LRP5: variants seen among roughly 807,000 people sequenced by gnomAD.
LRP5 encodes low-density lipoprotein receptor-related protein 5.
In LRP5, 62 loss-of-function variants were observed where a neutral mutation model predicts 154.1. The ratio of observed to expected loss-of-function variants is 0.40; its 90% CI spans 0.33 to 0.50. The LOEUF (loss-of-function observed/expected upper bound fraction) is 0.50. Ranked by LOEUF, LRP5 falls within the 20% of genes least tolerant of loss-of-function variation. LRP5 has a pLI of 0.55. For missense variants in LRP5, 1,915 were observed against 2,336.7 expected (o/e 0.82, Z 3.72); for synonymous variants, 966 against 1,011.5 (o/e 0.96, Z 0.85).
chr11:68,408,274 A>T (rs2098656897), intron 9 of LRP5, among the ~76,000 whole-genome samples: 1 of 106,880 alleles, frequency 9.4e-6, no homozygotes. Flanking sequence ...TTTTGGGGAG[A>T]CAGGGTTTCC....
intron 17 of LRP5, among the ~76,000 whole-genome samples, chr11:68,432,979 G>A (rs1314063393): frequency 1.3e-5 from 2 of 152,198 alleles, no homozygotes; most frequent in Admixed American, 1.3e-4. Flanking sequence ...CCTCCCCGGG[G>A]GTGTCCTCAG....
rs1033168650 is a variant in LRP5 at position 68,365,680 on chromosome 11, C to A, written c.993C>A (p.Asp331Glu). The A allele has an allele frequency of 4.2e-6, 6 of 1,441,712 alleles. No homozygotes were observed. In the African/African-American group the frequency reaches 9.1e-5, roughly 22 times the overall value. 89.3% of individuals were successfully genotyped at this position (1,441,712 alleles called of 1,614,324 possible). A position where few individuals can be genotyped will look rare whatever the true frequency, so the allele number is the denominator to read the frequency against. The change falls in exon 5 of 23, where the codon GAC becomes GAA. Residue 331 changes from aspartate (D) to glutamate (E), a missense_variant. By Grantham distance (45) the Asp-to-Glu change is conservative. Coordinates refer to ENST00000294304, the MANE Select transcript of LRP5 (RefSeq NM_002335.4). ...GCCCCACGGGTGTGCAGCTGCAGGA[C>A]AACGGCAGGACGTGTAAGGCAGGTG... ...CACPTGVQLQ[D>E]NGRTCKAGAE...
rs776839535 is a variant in LRP5 at position 68,425,272 on chromosome 11, T to C, written c.3407T>C (p.Ile1136Thr). 3.1e-6 allele frequency: 5 copies of C among 1,609,576 alleles called. No homozygotes were observed. The highest frequency in any genetic ancestry group is 4.2e-6 in the Non-Finnish European group (5 of 1,179,926). ...LFWVDADLKRIESCDLSGANR... is the reference protein window; with the variant it reads ...LFWVDADLKRTESCDLSGANR... Reference sequence around the variant, plus strand: ...TGGGTGGACGCGGACCTGAAGCGCATTGAGAGCTGTGACCTGTCAGGTACG... The same window carrying C: ...TGGGTGGACGCGGACCTGAAGCGCACTGAGAGCTGTGACCTGTCAGGTACG... The change falls in exon 15 of 23, where the codon ATT becomes ACT. Residue 1136 changes from isoleucine (I) to threonine (T), a missense_variant. Physicochemically the swap from Ile to Thr is moderately conservative, Grantham distance 89. Coordinates refer to ENST00000294304, the MANE Select transcript of LRP5 (RefSeq NM_002335.4).
rs757631150 is a variant in LRP5 at position 68,357,653 on chromosome 11, C to T, written c.492C>T (p.Tyr164=). 16 of 1,613,804 alleles carry T rather than the reference C, an allele frequency of 9.9e-6. No individual in the cohort carries two copies. The highest frequency in any genetic ancestry group is 1.7e-5 in the Admixed American group (1 of 59,962). ...RAIALDPAHG[Y]MYWTDWGETP... The stretch of plus-strand genomic sequence containing the variant: ...TCTTGCCCTGCCCCCGTCACAGGTA[C>T]ATGTACTGGACAGACTGGGGTGAGA... The change falls in exon 3 of 23, where the codon TAC becomes TAT. Residue 164 remains tyrosine (Y), a synonymous_variant. Coordinates refer to ENST00000294304, the MANE Select transcript of LRP5 (RefSeq NM_002335.4).
chr11:68,349,155 C>T (rs1406183227), intron 2 of LRP5, among the ~76,000 whole-genome samples: 1 of 151,186 alleles, frequency 6.6e-6, no homozygotes, highest in Non-Finnish European at 1.5e-5. Flanking sequence ...GCCTCAGCTT[C>T]CCAAGTAGCT....
intron 21 of LRP5, among the ~76,000 whole-genome samples, chr11:68,440,902 G>A (rs2098677853): frequency 6.6e-6 from 1 of 152,092 alleles, no homozygotes; most frequent in African/African-American, 2.4e-5. Context: ...CCTAGTAGCT[G>A]GGATTACAGG....
At chr11:68,348,394 A>C in intron 2 of LRP5, 151 bp downstream of exon 2, 1 of 864,734 alleles carries the variant, frequency 1.2e-6, no homozygotes, top group Non-Finnish European at 1.7e-6. Context: ...CTGTAACCCC[A>C]GCACTCGGTG....
chr11:68,440,507 A>G (rs1591330966), intron 21 of LRP5, among the ~76,000 whole-genome samples: 1 of 152,122 alleles, frequency 6.6e-6, no homozygotes, highest in African/African-American at 2.4e-5. Context: ...GCTGGGGAGA[A>G]CCCCCGTTTC....
At chr11:68,441,599 A>T (rs752678305) in intron 21 of LRP5, among the ~76,000 whole-genome samples, 2 of 152,220 alleles carry the variant, frequency 1.3e-5, no homozygotes, top group Non-Finnish European at 2.9e-5. Context: ...TTAACCAGCC[A>T]GGAGTGCTAG....
chr11:68,331,886 T>C (rs2098603033), intron 1 of LRP5, among the ~76,000 whole-genome samples: 1 of 151,938 alleles, frequency 6.6e-6, no homozygotes, highest in African/African-American at 2.4e-5. Context: ...CCAGGTTGCA[T>C]TGAGAGCCGA....
At chr11:68,401,902 A>G (rs2098652822) in intron 7 of LRP5, among the ~76,000 whole-genome samples, 1 of 152,088 alleles carries the variant, frequency 6.6e-6, no homozygotes, top group South Asian at 2.1e-4. Context: ...CATGTTGGCC[A>G]GGCTGATCTC....
chr11:68,426,341 C>T (rs965102022), intron 16 of LRP5, among the ~76,000 whole-genome samples, 154 bp downstream of exon 16: 11 of 152,078 alleles, frequency 7.2e-5, no homozygotes, highest in South Asian at 2.1e-4. Context: ...GCGACATGTC[C>T]GAATGTCCCG....
chr11:68,423,716 G>A lies in LRP5; in HGVS notation c.3236+19G>A, dbSNP rs1254561941. 1 of 1,599,506 alleles carries A rather than the reference G, an allele frequency of 6.3e-7. No individual in the cohort carries two copies. Among genetic ancestry groups the A allele is most frequent in the East Asian group, 2.2e-5 (1 of 44,796 alleles). ...AGCGAGGGTAGGAGGCCAACGGGTG[G>A]GTGGGGGTGCTGCCCGTCCAGGCGT... On this transcript the variant is annotated intron_variant, in intron 14 of 22. Transcript: ENST00000294304. This position sits in a 1 kb window ranked among gnomAD's most constrained non-coding sequence, Gnocchi z 4.7.
rs766219994 is a variant in LRP5, at chr11:68,386,952, T to G, written c.1412+240T>G. 6.6e-6 allele frequency among the ~76,000 whole-genome samples: 1 copy of G among 152,170 alleles called. No homozygotes were observed. Among genetic ancestry groups the G allele is most frequent in the African/African-American group, 2.4e-5 (1 of 41,428 alleles). On this transcript the variant is annotated intron_variant, in intron 6 of 22. Coordinates refer to ENST00000294304, the MANE Select transcript of LRP5 (RefSeq NM_002335.4). The surrounding 1 kb of genome is among the most constrained non-coding windows in gnomAD (Gnocchi z 7.9). ...TGGTCCGGTGCTGCTGCTGGGTCCA[T>G]GCGTAGAAAGCCCTGGAGACCTGGA...
intron 1 of LRP5, among the ~76,000 whole-genome samples, chr11:68,347,309 G>A (rs2098613902): frequency 6.6e-6 from 1 of 152,238 alleles, no homozygotes; most frequent in Non-Finnish European, 1.5e-5. Context: ...CCAAGGAAAC[G>A]GGCCTGAGCT....
At chr11:68,345,650 G>T (rs891682542) in intron 1 of LRP5, among the ~76,000 whole-genome samples, 2 of 152,206 alleles carry the variant, frequency 1.3e-5, no homozygotes, top group Admixed American at 1.3e-4. Flanking sequence ...ATATCTGATT[G>T]TGTCCCTGTT....
At chr11:68,367,567 T>C (rs141840946) in intron 5 of LRP5, among the ~76,000 whole-genome samples, 90 of 152,342 alleles carry the variant, frequency 5.9e-4, no homozygotes, top group African/African-American at 1.9e-3. Flanking sequence ...CAGAGTTTGT[T>C]TTCTTTCCTG....
At chr11:68,364,391 T>G (rs187430672) in intron 4 of LRP5, among the ~76,000 whole-genome samples, 3 of 151,208 alleles carry the variant, frequency 2.0e-5, no homozygotes, top group African/African-American at 7.3e-5. Context: ...TGTGTGTGTA[T>G]GTATTTTTAA....
intron 5 of LRP5, among the ~76,000 whole-genome samples, chr11:68,382,627 G>T (rs894512205): frequency 1.3e-5 from 2 of 152,208 alleles, no homozygotes; most frequent in Non-Finnish European, 2.9e-5. Context: ...GCCTGAACTA[G>T]CTTCCCACAG....
Sources: allele counts gnomAD v4.1 joint callset (sites outside exome capture counted in the v4.1 genomes callset), GRCh38; gene constraint gnomAD v4.1.1; non-coding constraint Gnocchi (gnomAD v3.1); transcripts MANE v1.5; gene names NCBI Gene and HGNC (gene_info 2026-07-23, HGNC 2026-07-21).